The following ZNG1B variants were observed in gnomAD, a reference collection of about 807,000 sequenced individuals.
ZNG1B encodes Zn regulated GTPase metalloprotein activator 1B.
At chr2:113,441,512 A>G in the ZNG1B span, 2 of 1,608,584 alleles carry the variant, frequency 1.2e-6, no homozygotes, top group Non-Finnish European at 1.7e-6. Context: ...TTGCTATTCC[A>G]TATTTAAAAA....
the ZNG1B span, among the ~76,000 whole-genome samples, chr2:113,467,592 CA>C: frequency 2.6e-5 from 3 of 115,306 alleles, no homozygotes; most frequent in Non-Finnish European, 5.1e-5. Flanking sequence ...AGCAAACAAA[CA>C]AAAAGGCAAC....
the ZNG1B span, among the ~76,000 whole-genome samples, chr2:113,471,662 G>A: frequency 6.4e-5 from 8 of 125,488 alleles, no homozygotes; most frequent in Non-Finnish European, 1.1e-4. Context: ...TCCCCAGAAT[G>A]TGATGTTCCC....
chr2:113,452,387 T>C, the ZNG1B span, among the ~76,000 whole-genome samples: 1 of 151,464 alleles, frequency 6.6e-6, no homozygotes, highest in Non-Finnish European at 1.5e-5. Flanking sequence ...CCTACACTCA[T>C]TCTTTTAGAC....
At chr2:113,465,216 GTTA>G in the ZNG1B span, 8 of 506,530 alleles carry the variant, frequency 1.6e-5, no homozygotes, top group Non-Finnish European at 2.8e-5. Flanking sequence ...AATCATTTTA[GTTA>G]TTAATAATAA....
At chr2:113,437,706 T>C in the ZNG1B span, 2 of 1,511,056 alleles carry the variant, frequency 1.3e-6, no homozygotes, top group South Asian at 1.3e-5. Context: ...ACGAGGCGCT[T>C]CTCGTCCAGA....
chr2:113,483,237 G>A, the ZNG1B span, among the ~76,000 whole-genome samples: 2 of 150,916 alleles, frequency 1.3e-5, no homozygotes, highest in African/African-American at 2.4e-5. Context: ...TGAAGCAAAC[G>A]CAGCGCTCAC....
the ZNG1B span, among the ~76,000 whole-genome samples, chr2:113,479,906 C>CT: frequency 6.6e-6 from 1 of 151,342 alleles, no homozygotes; most frequent in Non-Finnish European, 1.5e-5. Context: ...CCTATAGCCT[C>CT]TGTGTCCTGG....
the ZNG1B span, chr2:113,444,817 T>A: frequency 9.1e-7 from 1 of 1,103,944 alleles, no homozygotes; most frequent in Non-Finnish European, 1.3e-6. Flanking sequence ...GGACGGACAT[T>A]TTGTTAGAAG....
chr2:113,468,370 C>G, the ZNG1B span, among the ~76,000 whole-genome samples: 1 of 151,244 alleles, frequency 6.6e-6, no homozygotes, highest in Non-Finnish European at 1.5e-5. Flanking sequence ...AATTCCACCC[C>G]CACCTTGGAG....
the ZNG1B span, among the ~76,000 whole-genome samples, chr2:113,451,774 T>TA: frequency 2.3e-4 from 35 of 151,140 alleles, no homozygotes; most frequent in African/African-American, 7.5e-4. Context: ...GAATAAAGCA[T>TA]TAATATACTC....
the ZNG1B span, among the ~76,000 whole-genome samples, chr2:113,461,228 T>A: frequency 7.0e-3 from 1,064 of 150,966 alleles, 14 homozygotes; most frequent in African/African-American, 0.023. Context: ...TGCATTTTTT[T>A]TTAAATTTTT....
At chr2:113,481,085 A>ATTT in the ZNG1B span, among the ~76,000 whole-genome samples, 1 of 124,888 alleles carries the variant, frequency 8.0e-6, no homozygotes, top group African/African-American at 2.9e-5. Context: ...TCGTTGTTAG[A>ATTT]TTTTTTTTTT....
chr2:113,460,777 A>G, the ZNG1B span: 2 of 1,572,722 alleles, frequency 1.3e-6, no homozygotes, highest in East Asian at 2.2e-5. Flanking sequence ...AAAAATCACT[A>G]AGATGAAAAC....
chr2:113,462,185 C>T, the ZNG1B span, among the ~76,000 whole-genome samples: 1 of 152,120 alleles, frequency 6.6e-6, no homozygotes, highest in African/African-American at 2.4e-5. Context: ...GAAATCTGAA[C>T]TTGCATAGTA....
At chr2:113,443,004 T>A in the ZNG1B span, among the ~76,000 whole-genome samples, 1 of 151,570 alleles carries the variant, frequency 6.6e-6, no homozygotes, top group Admixed American at 6.6e-5. Flanking sequence ...AGTCTCGCTG[T>A]GTTGCCCAGG....
chr2:113,445,622 TAC>T, the ZNG1B span: 3 of 149,190 alleles, frequency 2.0e-5, no homozygotes, highest in African/African-American at 7.5e-5. Context: ...TATGGAAAGC[TAC>T]ACAGAGTCAA....
At chr2:113,475,426 G>A in the ZNG1B span, among the ~76,000 whole-genome samples, 1 of 150,562 alleles carries the variant, frequency 6.6e-6, no homozygotes, top group Non-Finnish European at 1.5e-5. Flanking sequence ...ACACTGATGG[G>A]TCTTGACTCT....
At chr2:113,442,718 A>G in the ZNG1B span, among the ~76,000 whole-genome samples, 1 of 152,132 alleles carries the variant, frequency 6.6e-6, no homozygotes, top group Non-Finnish European at 1.5e-5. Context: ...CGAATTCTGT[A>G]GCAACCTCTT....
At chr2:113,483,739 A>G in the ZNG1B span, among the ~76,000 whole-genome samples, 2 of 151,802 alleles carry the variant, frequency 1.3e-5, no homozygotes, top group African/African-American at 2.4e-5. Flanking sequence ...GTATTTAAAA[A>G]AAACAAATGT....
Sources: gnomAD v4.1 joint callset for allele counts (sites outside exome capture counted in the v4.1 genomes callset) on GRCh38, gnomAD v4.1.1 for gene constraint, MANE v1.5 for transcripts, NCBI Gene and HGNC (gene_info 2026-07-23, HGNC 2026-07-21) for gene names.